The following ANKS1B variants were observed in gnomAD, a reference collection of about 807,000 sequenced individuals.
ANKS1B encodes ankyrin repeat and sterile alpha motif domain-containing protein 1B.
In ANKS1B, 36 loss-of-function variants were observed where a neutral mutation model predicts 148.3. The observed-to-expected ratio is 0.24, with a 90% confidence interval of 0.19 to 0.32. The LOEUF is 0.32. Ranked by LOEUF, ANKS1B falls within the 10% of genes least tolerant of loss-of-function variation. The pLI is 1.00. For missense variants in ANKS1B, 1,157 were observed against 1,542.6 expected (o/e 0.75, Z 4.19); for synonymous variants, 542 against 560.8 (o/e 0.97, Z 0.47).
intron 12 of ANKS1B, among the ~76,000 whole-genome samples, chr12:99,389,920 C>T (rs188323782): frequency 6.6e-6 from 1 of 152,188 alleles, no homozygotes; most frequent in Non-Finnish European, 1.5e-5. Flanking sequence ...CTTCCCACCC[C>T]AGGATACATA....
chr12:99,753,667 G>A (rs1019558155), intron 8 of ANKS1B, among the ~76,000 whole-genome samples: 2 of 151,258 alleles, frequency 1.3e-5, no homozygotes, highest in Non-Finnish European at 2.9e-5. Context: ...TGAGGACAGA[G>A]TCAAATCTAC....
At chr12:99,683,877 G>A (rs1024081081) in intron 8 of ANKS1B, among the ~76,000 whole-genome samples, 1 of 151,920 alleles carries the variant, frequency 6.6e-6, no homozygotes, top group Non-Finnish European at 1.5e-5. Context: ...CATCTCAATA[G>A]ACACAGAAAA....
rs552236555 is a variant in ANKS1B at position 98,858,089 on chromosome 12, T to A, written c.2779-25953A>T. 2.6e-5 allele frequency among the ~76,000 whole-genome samples: 4 copies of A among 152,342 alleles called. No homozygotes were observed. The South Asian group carries it at 8.3e-4, about 32-fold the overall frequency. On this transcript the variant is annotated intron_variant, in intron 17 of 26. Coordinates refer to ENST00000683438, the MANE Select transcript of ANKS1B (RefSeq NM_001352186.2). ...AGACAGGTTTGTGTACTGGTTTTAA[T>A]AATTCCATTGTACTTTCTACCTCCT...
chr12:99,977,183 A>G (rs2095639929), intron 1 of ANKS1B, among the ~76,000 whole-genome samples: 1 of 152,090 alleles, frequency 6.6e-6, no homozygotes, highest in South Asian at 2.1e-4. Context: ...TCACTCTGTC[A>G]CCTAGGCTGG....
chr12:99,980,030 T>A, intron 1 of ANKS1B, among the ~76,000 whole-genome samples: 1 of 149,444 alleles, frequency 6.7e-6, no homozygotes, highest in Non-Finnish European at 1.5e-5. Context: ...AAAAAAAGAG[T>A]CAAAAAGATA....
At chr12:99,117,377 A>G (rs2061661527) in intron 15 of ANKS1B, among the ~76,000 whole-genome samples, 1 of 152,180 alleles carries the variant, frequency 6.6e-6, no homozygotes, top group Non-Finnish European at 1.5e-5. Flanking sequence ...AGTTCCATCA[A>G]TACCTAGCTT....
At chr12:99,800,378 G>T (rs1296794959) in intron 4 of ANKS1B, among the ~76,000 whole-genome samples, 3 of 139,648 alleles carry the variant, frequency 2.1e-5, no homozygotes, top group African/African-American at 5.4e-5. Context: ...ATAAATTTCT[G>T]TTGCTTAAGC....
intron 17 of ANKS1B, among the ~76,000 whole-genome samples, chr12:98,973,692 G>A (rs1314868606): frequency 2.0e-5 from 3 of 151,992 alleles, no homozygotes; most frequent in Non-Finnish European, 2.9e-5. Flanking sequence ...AGGTATTACC[G>A]TGCTTGTGTC....
intron 25 of ANKS1B, among the ~76,000 whole-genome samples, chr12:98,756,749 T>C (rs2098256250): frequency 6.8e-6 from 1 of 147,570 alleles, no homozygotes; most frequent in African/African-American, 2.5e-5. Context: ...TTTTTTGAGA[T>C]GGAGTCTTGC....
At chr12:99,753,404 T>C (rs1601446035) in intron 8 of ANKS1B, among the ~76,000 whole-genome samples, 2 of 151,970 alleles carry the variant, frequency 1.3e-5, no homozygotes, top group South Asian at 4.2e-4. Context: ...TAAGGAGGGG[T>C]AGTAACAGAA....
chr12:99,602,218 C>T (rs1208046571), intron 9 of ANKS1B, among the ~76,000 whole-genome samples: 1 of 151,920 alleles, frequency 6.6e-6, no homozygotes, highest in Non-Finnish European at 1.5e-5. Flanking sequence ...GAAACTTCCC[C>T]AGAAAGTTTA....
chr12:99,482,503 C>T (rs2096427638), intron 10 of ANKS1B, among the ~76,000 whole-genome samples: 1 of 151,954 alleles, frequency 6.6e-6, no homozygotes, highest in African/African-American at 2.4e-5. Flanking sequence ...GTCACTTTGG[C>T]TATTTGGGCT....
chr12:98,748,618 G>A (rs1001995922), intron 26 of ANKS1B, among the ~76,000 whole-genome samples: 1 of 152,194 alleles, frequency 6.6e-6, no homozygotes, highest in African/African-American at 2.4e-5. Flanking sequence ...AGGACCTCAC[G>A]TGTTCTTAGG....
intron 16 of ANKS1B, among the ~76,000 whole-genome samples, chr12:99,056,126 A>G (rs1337127950): frequency 6.6e-6 from 1 of 152,192 alleles, no homozygotes; most frequent in Non-Finnish European, 1.5e-5. Context: ...TCATTCAATA[A>G]ATATTTAATC....
In ANKS1B at chr12:99,553,003, C is replaced by T. The variant is rs568168772; in HGVS notation, c.1273-48362G>A. On this transcript the variant is annotated intron_variant, in intron 9 of 26. Transcript: ENST00000683438. ...GATGAATCCATGAATGCAGAACCCA[C>T]GGACACAGAGAGCTGACTTTATATC... Among the ~76,000 whole-genome samples, 7 of 152,270 alleles carry T rather than the reference C, an allele frequency of 4.6e-5. No individual in the cohort carries two copies. The East Asian group carries it at 7.7e-4, about 17-fold the overall frequency.
intron 14 of ANKS1B, among the ~76,000 whole-genome samples, chr12:99,185,213 C>T (rs1307707331): frequency 6.6e-6 from 1 of 152,000 alleles, no homozygotes; most frequent in Non-Finnish European, 1.5e-5. Flanking sequence ...GATTACCATG[C>T]CATTTAAAAA....
intron 9 of ANKS1B, among the ~76,000 whole-genome samples, chr12:99,511,469 C>T (rs548827202): frequency 7.9e-5 from 12 of 152,022 alleles, no homozygotes; most frequent in African/African-American, 2.6e-4. Context: ...GAATCAATAT[C>T]GTGAAAATGG....
At chr12:99,153,059 A>C (rs2075354490) in intron 15 of ANKS1B, among the ~76,000 whole-genome samples, 1 of 152,160 alleles carries the variant, frequency 6.6e-6, no homozygotes, top group African/African-American at 2.4e-5. Context: ...TCACTCATAA[A>C]GCATTCTGTG....
At chr12:98,846,437 T>C (rs572718079) in intron 17 of ANKS1B, among the ~76,000 whole-genome samples, 1 of 152,244 alleles carries the variant, frequency 6.6e-6, no homozygotes. Context: ...AGCTGGAGAA[T>C]GGAGAATCAT....
Sources: gnomAD v4.1 joint callset for allele counts (sites outside exome capture counted in the v4.1 genomes callset) on GRCh38, gnomAD v4.1.1 for gene constraint, MANE v1.5 for transcripts, NCBI Gene and HGNC (gene_info 2026-07-23, HGNC 2026-07-21) for gene names.